ONECUT3: variants seen among roughly 807,000 people sequenced by gnomAD.
ONECUT3 encodes one cut homeobox 3.
Under a neutral mutation model 16.8 loss-of-function variants are expected in ONECUT3, and 11 were observed. The observed-to-expected ratio is 0.66, with a 90% CI of 0.41 to 1.09. The LOEUF (loss-of-function observed/expected upper bound fraction) is 1.09, where lower values mean the gene tolerates loss of function less well. ONECUT3 is among the 50% of genes least tolerant of loss of function. The pLI, the probability that ONECUT3 is intolerant of heterozygous loss-of-function variation, is 0.00. For missense variants in ONECUT3, 637 were observed against 629.9 expected (o/e 1.01, Z -0.12); for synonymous variants, 344 against 310.7 (o/e 1.11, Z -1.13).
At chr19:1,772,303 A>G (rs953652053) in intron 1 of ONECUT3, among the ~76,000 whole-genome samples, 1 of 151,940 alleles carries the variant, frequency 6.6e-6, no homozygotes, top group East Asian at 1.9e-4. Flanking sequence ...ATGAGCCACC[A>G]TGCCCAGTGG....
chr19:1,760,430 C>CG (rs955745430), intron 1 of ONECUT3, among the ~76,000 whole-genome samples: 1 of 87,024 alleles, frequency 1.1e-5, no homozygotes. Context: ...GGCGGGGGGG[C>CG]GGGGGGTGGC....
At chr19:1,774,584 C>A (rs1259625874) in intron 1 of ONECUT3, among the ~76,000 whole-genome samples, 3 of 152,096 alleles carry the variant, frequency 2.0e-5, no homozygotes, top group African/African-American at 7.2e-5. Context: ...ATGTCATTTC[C>A]CCAACACCCC....
chr19:1,774,716 A>T (rs1310360928), intron 1 of ONECUT3, among the ~76,000 whole-genome samples: 1 of 79,412 alleles, frequency 1.3e-5, no homozygotes, highest in East Asian at 3.0e-4. Flanking sequence ...GGGGTGCCTG[A>T]GTGGGCTCCA....
rs1022518513 is a variant in ONECUT3, at chr19:1,764,041, T to C, written c.1192+9187T>C. ...GCTGGGTCAGCCTCCCCAGCCCCTTTCTGGGTGGCCGCTTCAGCCGCTTCT... is the reference window on the plus strand; with the variant it reads ...GCTGGGTCAGCCTCCCCAGCCCCTTCCTGGGTGGCCGCTTCAGCCGCTTCT... On this transcript the variant is annotated intron_variant, in intron 1 of 1. Transcript: ENST00000382349. The surrounding 1 kb of genome is among the most constrained non-coding windows in gnomAD (Gnocchi z 5.0). Among the ~76,000 whole-genome samples the C allele has an allele frequency of 4.6e-5, 7 of 152,210 alleles. No homozygotes were observed. Among genetic ancestry groups the C allele is most frequent in the African/African-American group, 1.7e-4 (7 of 41,454 alleles).
At position 1,764,803 on chromosome 19, in the gene ONECUT3, G is replaced by T. The variant is rs1195159935; in HGVS notation, c.1192+9949G>T. 6.7e-6 allele frequency among the ~76,000 whole-genome samples: 1 copy of T among 149,482 alleles called. No individual in the cohort carries two copies. Among genetic ancestry groups the T allele is most frequent in the Non-Finnish European group, 1.5e-5 (1 of 67,234 alleles). On this transcript the variant is annotated intron_variant, in intron 1 of 1. Transcript: ENST00000382349. This position sits in a 1 kb window ranked among gnomAD's most constrained non-coding sequence, Gnocchi z 5.0. The stretch of plus-strand genomic sequence containing the variant: ...ACTCGAGTCTGGAGAGGCCACGGGG[G>T]GGGGATGCGCAGGGGGGACAAGACA...
intron 1 of ONECUT3, among the ~76,000 whole-genome samples, chr19:1,757,732 A>T (rs4807139): frequency 6.6e-6 from 1 of 152,098 alleles, no homozygotes; most frequent in African/African-American, 2.4e-5. Flanking sequence ...CCAGGCCTTT[A>T]GTTCCGGTCG....
In ONECUT3 at chr19:1,762,066, C is replaced by A. The variant is rs1435255525; in HGVS notation, c.1192+7212C>A. On this transcript the variant is annotated intron_variant, in intron 1 of 1. Coordinates refer to ENST00000382349, the MANE Select transcript of ONECUT3 (RefSeq NM_001080488.2). This position sits in a 1 kb window ranked among gnomAD's most constrained non-coding sequence, Gnocchi z 4.4. ...TCACACTGGGACGAGTGCAGACTGA[C>A]CCAGGACCCCCATCCGCCCTCTGGC... Among the ~76,000 whole-genome samples, 1 of 152,184 alleles carries A rather than the reference C, an allele frequency of 6.6e-6. No homozygotes were observed. The highest frequency in any genetic ancestry group is 1.5e-5 in the Non-Finnish European group (1 of 68,024).
chr19:1,765,244 G>C (rs554339897), intron 1 of ONECUT3, among the ~76,000 whole-genome samples: 55 of 152,180 alleles, frequency 3.6e-4, no homozygotes, highest in African/African-American at 1.2e-3. Flanking sequence ...CATCCCTCCC[G>C]TCCTGGTGCC....
At chr19:1,761,095 C>T (rs1319795976) in intron 1 of ONECUT3, among the ~76,000 whole-genome samples, 3 of 138,140 alleles carry the variant, frequency 2.2e-5, no homozygotes, top group Non-Finnish European at 3.0e-5. Context: ...TCTTGTCGTC[C>T]AGGCTGGAGT....
chr19:1,769,175 C>CTGGAGGTGGAGGTGA (rs904131679), intron 1 of ONECUT3, among the ~76,000 whole-genome samples: 2 of 77,064 alleles, frequency 2.6e-5, no homozygotes, highest in South Asian at 4.8e-4. Context: ...GGAAGAGGTG[C>CTGGAGGTGGAGGTGA]TGGAGGTGGA....
chr19:1,775,126 G>GGGGGCC, intron 1 of ONECUT3, 27 bp from the exon 2 acceptor site: 1 of 1,143,892 alleles, frequency 8.7e-7, no homozygotes, highest in Non-Finnish European at 1.2e-6. Flanking sequence ...TGTCCCGCTC[G>GGGGGCC]CCCGCCCGCC....
intron 1 of ONECUT3, among the ~76,000 whole-genome samples, chr19:1,772,556 TATTTTTGAA>T (rs781678753): frequency 6.6e-6 from 1 of 152,162 alleles, no homozygotes; most frequent in African/African-American, 2.4e-5. Flanking sequence ...TCTCTTCCTC[TATTTTTGAA>T]CTGTCTCTTG....
Position 1,779,540 on chromosome 19 carries a change from CTCTGTGT to C in ONECUT3, c.*4105_*4111del, listed in dbSNP as rs2068139526. ...ATGTCTTATAAGAGTATTTATTATT[CTCTGTGT>C]TCTGTGTTCAAATGTAATTTAAGAA... On this transcript the variant is annotated 3_prime_UTR_variant, in exon 2 of 2. Transcript: ENST00000382349. 6.7e-6 allele frequency: 1 copy of C among 150,144 alleles called. No homozygotes were observed. Among genetic ancestry groups the C allele is most frequent in the East Asian group, 2.0e-4 (1 of 5,126 alleles). 9.3% of individuals were successfully genotyped at this position (150,144 alleles called of 1,614,324 possible). A position where few individuals can be genotyped will look rare whatever the true frequency, so the allele number is the denominator to read the frequency against.
rs2067903735 is a variant in ONECUT3, at chr19:1,754,157, C to T, written c.495C>T (p.Ser165=). The T allele has an allele frequency of 1.8e-6, 2 of 1,083,000 alleles. No individual in the cohort carries two copies. The highest frequency in any genetic ancestry group is 2.2e-6 in the Non-Finnish European group (2 of 891,094). 67.1% of individuals were successfully genotyped at this position (1,083,000 alleles called of 1,614,324 possible). A position where few individuals can be genotyped will look rare whatever the true frequency, so the allele number is the denominator to read the frequency against. Residue 165 remains serine, a synonymous_variant, in exon 1 of 2, where the codon AGC becomes AGT. Transcript: ENST00000382349. This position sits in a 1 kb window ranked among gnomAD's most constrained non-coding sequence, Gnocchi z 7.4. ...PPPQRLAASV[S]GSFTLMRDER... is the part of the protein sequence containing the mutation. ...CGCAGCGTCTGGCGGCCAGCGTGAG[C>T]GGCAGCTTCACCCTCATGCGCGACG...
At position 1,763,956 on chromosome 19, in the gene ONECUT3, G is replaced by A. The variant is rs1446644922; in HGVS notation, c.1192+9102G>A. ...CATAGCGGCTGCAATGAATACGTCC[G>A]GGGCGGATCATTTTACGAGTGTGAG... On this transcript the variant is annotated intron_variant, in intron 1 of 1. Transcript: ENST00000382349. Among the ~76,000 whole-genome samples, 6 of 152,122 alleles carry A rather than the reference G, an allele frequency of 3.9e-5. No homozygotes were observed. In the East Asian group the frequency reaches 5.8e-4, roughly 15 times the overall value.
chr19:1,763,035 T>C (rs920082480), intron 1 of ONECUT3, among the ~76,000 whole-genome samples: 4 of 151,386 alleles, frequency 2.6e-5, no homozygotes, highest in African/African-American at 9.7e-5. Flanking sequence ...GCCTGGGCAA[T>C]AGGGAGACCG....
At chr19:1,756,695 A>ATATTTTTTT (rs2067917780) in intron 1 of ONECUT3, among the ~76,000 whole-genome samples, 1 of 101,150 alleles carries the variant, frequency 9.9e-6, no homozygotes, top group Admixed American at 1.2e-4. Flanking sequence ...ACGCCTGGCT[A>ATATTTTTTT]TTTTTTTTTT....
chr19:1,769,168 AGAGGTGCTGGAGGTG>A (rs1399594654), intron 1 of ONECUT3, among the ~76,000 whole-genome samples: 2 of 88,588 alleles, frequency 2.3e-5, no homozygotes, highest in African/African-American at 8.9e-5. Context: ...TGGTGAAGGA[AGAGGTGCTGGAGGTG>A]GAGGTGATGG....
intron 1 of ONECUT3, among the ~76,000 whole-genome samples, chr19:1,772,152 A>G (rs1012777415): frequency 6.7e-6 from 1 of 149,884 alleles, no homozygotes; most frequent in Admixed American, 6.6e-5. Context: ...TGGGATTCCA[A>G]GCACCTGCCA....
Sources: gnomAD v4.1 joint callset for allele counts (sites outside exome capture counted in the v4.1 genomes callset) on GRCh38, gnomAD v4.1.1 for gene constraint, Gnocchi (gnomAD v3.1) non-coding constraint, MANE v1.5 for transcripts, NCBI Gene and HGNC (gene_info 2026-07-23, HGNC 2026-07-21) for gene names.